HOTAIR: variants seen among roughly 807,000 people sequenced by gnomAD.
The protein encoded by HOTAIR is HOX transcript antisense RNA (non-protein coding).
exon 3 of HOTAIR, chr12:53,967,324 G>A (rs1460485412): frequency 2.0e-5 from 3 of 152,110 alleles, no homozygotes; most frequent in African/African-American, 7.2e-5. Flanking sequence ...TAAGTCCCGG[G>A]TGGGAGCCGC....
chr12:53,973,089 T>C lies in HOTAIR; in HGVS notation n.59+1809A>G. ...AACCCCTCCTACGTCTGCGAAGTGCTCCGAACTGATATATGACAATATCTA... is the reference window on the plus strand; with the variant it reads ...AACCCCTCCTACGTCTGCGAAGTGCCCCGAACTGATATATGACAATATCTA... On this transcript the variant is annotated intron_variant and non_coding_transcript_variant, in intron 1 of 6. Coordinates refer to ENST00000424518, the Ensembl canonical transcript of HOTAIR. The surrounding 1 kb of genome is among the most constrained non-coding windows in gnomAD (Gnocchi z 4.3). 1 of 606,778 alleles carries C rather than the reference T, an allele frequency of 1.6e-6. No individual in the cohort carries two copies. The highest frequency in any genetic ancestry group is 1.9e-5 in the African/African-American group (1 of 53,740). The allele number at this position is 606,778 out of a possible 1,614,324, so 37.6% of individuals were successfully genotyped here. A position where few individuals can be genotyped will look rare whatever the true frequency, so the allele number is the denominator to read the frequency against.
Position 53,973,218 on chromosome 12 carries a change from CG to C in HOTAIR, n.59+1679del. The C allele has an allele frequency of 6.5e-7, 1 of 1,529,428 alleles. No homozygotes were observed. Among genetic ancestry groups the C allele is most frequent in the African/African-American group, 1.4e-5 (1 of 72,636 alleles). 94.7% of individuals were successfully genotyped at this position (1,529,428 alleles called of 1,614,324 possible). On this transcript the variant is annotated intron_variant and non_coding_transcript_variant, in intron 1 of 6. Transcript: ENST00000424518. This position sits in a 1 kb window ranked among gnomAD's most constrained non-coding sequence, Gnocchi z 4.3. Reference sequence around the variant, plus strand: ...CTAGACCGGGTCCAAAACCTCCATCCGGAGCCGGCAGGAGAGGAGAACGATG... The same window carrying C: ...CTAGACCGGGTCCAAAACCTCCATCCGAGCCGGCAGGAGAGGAGAACGATG...
At chr12:53,974,358 A>C (rs1328217936) in intron 1 of HOTAIR, among the ~76,000 whole-genome samples, 1 of 150,442 alleles carries the variant, frequency 6.6e-6, no homozygotes, top group East Asian at 2.0e-4. Context: ...AGGGAAAGAC[A>C]GGGAGAGATC....
rs904332383 is a variant in HOTAIR at position 53,973,645 on chromosome 12, C to G, written n.59+1253G>C. On this transcript the variant is annotated intron_variant and non_coding_transcript_variant, in intron 1 of 6. Transcript: ENST00000424518. The surrounding 1 kb of genome is among the most constrained non-coding windows in gnomAD (Gnocchi z 4.3). ...CCCAGCGCCCCGCACGCAACCCCCG[C>G]CGGCTTCTACTCCTCAGTCAACAAG... is the stretch of plus-strand genomic sequence containing the variant. 6 of 1,613,672 alleles carry G rather than the reference C, an allele frequency of 3.7e-6. No individual in the cohort carries two copies. Among genetic ancestry groups the G allele is most frequent in the Non-Finnish European group, 4.2e-6 (5 of 1,180,040 alleles).
intron 1 of HOTAIR, among the ~76,000 whole-genome samples, chr12:53,971,170 G>C (rs769494227): frequency 6.6e-6 from 1 of 152,210 alleles, no homozygotes; most frequent in Non-Finnish European, 1.5e-5. Context: ...AGGAAACACA[G>C]CAGATTTTTC....
intron 5 of HOTAIR, among the ~76,000 whole-genome samples, chr12:53,965,691 T>C (rs563133033): frequency 7.0e-6 from 1 of 142,748 alleles, no homozygotes; most frequent in East Asian, 2.0e-4. Flanking sequence ...CCGGCAAGGG[T>C]AAAAAGAATG....
intron 6 of HOTAIR, chr12:53,964,177 AC>A (rs1031901027): frequency 6.6e-6 from 1 of 151,522 alleles, no homozygotes; most frequent in African/African-American, 2.4e-5. Context: ...CAGAGTGAAC[AC>A]CCCCAGATAA....
chr12:53,972,250 A>G (rs1490119512), intron 1 of HOTAIR, among the ~76,000 whole-genome samples: 1 of 152,170 alleles, frequency 6.6e-6, no homozygotes, highest in African/African-American at 2.4e-5. Context: ...TCTCATTCCA[A>G]TCCTTTTCTT....
Position 53,973,155 on chromosome 12 carries a change from T to A in HOTAIR, n.59+1743A>T. 1 of 968,566 alleles carries A rather than the reference T, an allele frequency of 1.0e-6. No individual in the cohort carries two copies. The highest frequency in any genetic ancestry group is 1.5e-6 in the Non-Finnish European group (1 of 655,940). 60.0% of individuals were successfully genotyped at this position (968,566 alleles called of 1,614,324 possible). A position where few individuals can be genotyped will look rare whatever the true frequency, so the allele number is the denominator to read the frequency against. On this transcript the variant is annotated intron_variant and non_coding_transcript_variant, in intron 1 of 6. Coordinates refer to ENST00000424518, the Ensembl canonical transcript of HOTAIR. This position sits in a 1 kb window ranked among gnomAD's most constrained non-coding sequence, Gnocchi z 4.3. ...TCAGAGAGAGAGAGACTAAGACGGA[T>A]AACGCGTCATCTCGCCTTCCCAAAT...
At chr12:53,964,188 A>C (rs1272067696) in intron 6 of HOTAIR, 1 of 149,898 alleles carries the variant, frequency 6.7e-6, no homozygotes, top group Non-Finnish European at 1.5e-5. Context: ...CCCCCAGATA[A>C]GCCAGACCCA....
exon 7 of HOTAIR, chr12:53,964,101 G>C (rs1250674043): frequency 6.6e-6 from 1 of 152,064 alleles, no homozygotes; most frequent in East Asian, 1.9e-4. Context: ...CTACCAGGTC[G>C]GTACTGGCTT....
intron 5 of HOTAIR, among the ~76,000 whole-genome samples, chr12:53,964,703 A>G (rs1481880254): frequency 6.6e-6 from 1 of 152,166 alleles, no homozygotes; most frequent in Non-Finnish European, 1.5e-5. Context: ...TGTGCAGAGG[A>G]GGAGGGGCCA....
At chr12:53,974,291 C>T (rs2136376480) in intron 1 of HOTAIR, among the ~76,000 whole-genome samples, 1 of 117,816 alleles carries the variant, frequency 8.5e-6, no homozygotes. Context: ...TATGGGGAGC[C>T]GGGCTGCCGA....
chr12:53,968,517 G>GC (rs1325851643), intron 2 of HOTAIR: 2 of 152,262 alleles, frequency 1.3e-5, no homozygotes, highest in Non-Finnish European at 2.9e-5. Context: ...AAACCACTGA[G>GC]CCCGCCGAAA....
In HOTAIR at chr12:53,973,584, A is replaced by G; in HGVS notation, n.59+1314T>C. On this transcript the variant is annotated intron_variant and non_coding_transcript_variant, in intron 1 of 6. Coordinates refer to ENST00000424518, the Ensembl canonical transcript of HOTAIR. The surrounding 1 kb of genome is among the most constrained non-coding windows in gnomAD (Gnocchi z 4.3). Reference sequence around the variant, plus strand: ...TCCTTCCACCGTCACCGAGATCCTCATGAAAAACGAAGGCTCCTACGGCGG... The same window carrying G: ...TCCTTCCACCGTCACCGAGATCCTCGTGAAAAACGAAGGCTCCTACGGCGG... 1 of 1,613,182 alleles carries G rather than the reference A, an allele frequency of 6.2e-7. No homozygotes were observed. The highest frequency in any genetic ancestry group is 8.5e-7 in the Non-Finnish European group (1 of 1,179,932).
At chr12:53,969,294 G>T (rs762864683) in intron 1 of HOTAIR, among the ~76,000 whole-genome samples, 2 of 152,236 alleles carry the variant, frequency 1.3e-5, no homozygotes, top group South Asian at 4.1e-4. Flanking sequence ...TTTATGGGAA[G>T]AAATAGGGTC....
intron 1 of HOTAIR, among the ~76,000 whole-genome samples, chr12:53,969,352 G>A (rs1476018024): frequency 6.6e-6 from 1 of 152,194 alleles, no homozygotes; most frequent in Non-Finnish European, 1.5e-5. Flanking sequence ...AAGCTGGGTG[G>A]GGCCTGTGGG....
rs1278584567 is a variant in HOTAIR, at chr12:53,973,703, C to A, written n.59+1195G>T. Reference sequence around the variant, plus strand: ...TCCTGCCTCAAGCCTTCGACCGTTTCTTCGACAACGCCTACTGCGGTGGCG... The same window carrying A: ...TCCTGCCTCAAGCCTTCGACCGTTTATTCGACAACGCCTACTGCGGTGGCG... On this transcript the variant is annotated intron_variant and non_coding_transcript_variant, in intron 1 of 6. Coordinates refer to ENST00000424518, the Ensembl canonical transcript of HOTAIR. This position sits in a 1 kb window ranked among gnomAD's most constrained non-coding sequence, Gnocchi z 4.3. 6.2e-7 allele frequency: 1 copy of A among 1,613,648 alleles called. No individual in the cohort carries two copies. The highest frequency in any genetic ancestry group is 1.1e-5 in the South Asian group (1 of 91,092).
At chr12:53,963,223 G>C (rs1327934059) in exon 7 of HOTAIR, 1 of 152,238 alleles carries the variant, frequency 6.6e-6, no homozygotes, top group Non-Finnish European at 1.5e-5. Flanking sequence ...CCGGGACAGA[G>C]AGGCTTCCGG....
Sources: gnomAD v4.1 joint callset for allele counts (sites outside exome capture counted in the v4.1 genomes callset) on GRCh38, gnomAD v4.1.1 for gene constraint, Gnocchi (gnomAD v3.1) non-coding constraint, MANE v1.5 for transcripts, NCBI Gene and HGNC (gene_info 2026-07-23, HGNC 2026-07-21) for gene names.